The following CDH13 variants were observed in gnomAD, a reference collection of about 807,000 sequenced individuals.
The protein encoded by CDH13 is cadherin 13, also known as cadherin-13.
In CDH13, 24 loss-of-function variants were observed where a neutral mutation model predicts 63.8. That is an observed-to-expected ratio of 0.38 (90% CI 0.27 to 0.53). The LOEUF (loss-of-function observed/expected upper bound fraction) is 0.53, where lower values mean the gene tolerates loss of function less well. Ranked by LOEUF, CDH13 falls within the 20% of genes least tolerant of loss-of-function variation. The pLI, the probability that CDH13 is intolerant of heterozygous loss-of-function variation, is 0.85. For synonymous variants in CDH13, 503 were observed against 355.3 expected (o/e 1.42, Z -4.67); for missense variants, 1,049 against 903.1 (o/e 1.16, Z -2.07).
At chr16:82,772,114 C>T (rs965082744) in intron 1 of CDH13, among the ~76,000 whole-genome samples, 1 of 152,114 alleles carries the variant, frequency 6.6e-6, no homozygotes, top group Non-Finnish European at 1.5e-5. Flanking sequence ...CTTGGAAGAG[C>T]TGGATGTTAA....
intron 2 of CDH13, among the ~76,000 whole-genome samples, chr16:82,861,474 T>G (rs11645687): frequency 0.35 from 53,260 of 152,014 alleles, 10,253 homozygotes; most frequent in East Asian, 0.82. Context: ...CATCCAATTG[T>G]GTGTTCAGCT....
intron 6 of CDH13, among the ~76,000 whole-genome samples, chr16:83,452,670 A>C (rs2072915834): frequency 6.6e-6 from 1 of 152,222 alleles, no homozygotes; most frequent in South Asian, 2.1e-4. Context: ...TATTTAAAGA[A>C]GCTTGCAATT....
intron 2 of CDH13, among the ~76,000 whole-genome samples, chr16:82,930,494 G>T (rs1432351182): frequency 6.6e-6 from 1 of 151,980 alleles, no homozygotes. Context: ...TTTATGGTTT[G>T]TATACGGATG....
chr16:82,991,379 AG>A (rs1253873930), intron 2 of CDH13, among the ~76,000 whole-genome samples: 6 of 152,178 alleles, frequency 3.9e-5, no homozygotes, highest in Non-Finnish European at 8.8e-5. Flanking sequence ...TCATCTAGTA[AG>A]GGGGGAGATG....
chr16:83,288,991 T>A, intron 5 of CDH13, among the ~76,000 whole-genome samples: 1 of 152,196 alleles, frequency 6.6e-6, no homozygotes, highest in South Asian at 2.1e-4. Context: ...GCCTGCTCGC[T>A]ACAGTTCCCG....
chr16:83,729,470 A>C (rs1422770712), intron 10 of CDH13, among the ~76,000 whole-genome samples: 61 of 152,206 alleles, frequency 4.0e-4, no homozygotes, highest in Admixed American at 4.0e-3. Context: ...AGGCAAAACT[A>C]AGAAAGATGT....
chr16:83,679,744 C>A (rs1195269971), intron 10 of CDH13, among the ~76,000 whole-genome samples: 1 of 152,144 alleles, frequency 6.6e-6, no homozygotes, highest in African/African-American at 2.4e-5. Flanking sequence ...GGTAGTTGGA[C>A]AAAGGTAGGA....
chr16:83,631,642 C>T (rs745987111), intron 8 of CDH13, among the ~76,000 whole-genome samples: 12 of 152,082 alleles, frequency 7.9e-5, no homozygotes, highest in African/African-American at 1.2e-4. Flanking sequence ...GATGCGCCAA[C>T]GAGATGCTCC....
chr16:82,705,409 C>T (rs964088757), intron 1 of CDH13: 11 of 256,766 alleles, frequency 4.3e-5, no homozygotes, highest in African/African-American at 2.5e-4. Context: ...ACAATCGCCT[C>T]TAGTGGTCCA....
chr16:83,140,539 G>C (rs932660642), intron 4 of CDH13, among the ~76,000 whole-genome samples: 1 of 151,976 alleles, frequency 6.6e-6, no homozygotes, highest in African/African-American at 2.4e-5. Flanking sequence ...CTACAACCTC[G>C]CTGTCTCAGG....
rs72075939 is a variant in CDH13 at position 83,418,690 on chromosome 16, A to AAG, written c.782-67771_782-67770dup. On this transcript the variant is annotated intron_variant, in intron 6 of 13. Transcript: ENST00000567109. Reference sequence around the variant, plus strand: ...TGCCTGCTGGGAATTAGTTTTAGCAAAGAGAGAGAGAGAGAGACAGAGAAT... The same window carrying AAG: ...TGCCTGCTGGGAATTAGTTTTAGCAAAGAGAGAGAGAGAGAGAGACAGAGAAT... Among the ~76,000 whole-genome samples the AAG allele has an allele frequency of 1.3e-3, 192 of 151,056 alleles. 1 individual carries two copies. Among genetic ancestry groups the AAG allele is most frequent in the Non-Finnish European group, 6.2e-4 (42 of 67,640 alleles).
chr16:82,765,305 G>C (rs1443280953), intron 1 of CDH13, among the ~76,000 whole-genome samples: 1 of 152,156 alleles, frequency 6.6e-6, no homozygotes, highest in African/African-American at 2.4e-5. Context: ...ACAGCATTAA[G>C]GGATTGCTCG....
At chr16:83,463,270 A>G (rs939702748) in intron 6 of CDH13, among the ~76,000 whole-genome samples, 37 of 152,206 alleles carry the variant, frequency 2.4e-4, no homozygotes, top group African/African-American at 8.7e-4. Flanking sequence ...ATCAGCCAGG[A>G]TGGGCCAGCT....
intron 8 of CDH13, among the ~76,000 whole-genome samples, chr16:83,657,218 C>A (rs1912948730): frequency 6.6e-6 from 1 of 152,172 alleles, no homozygotes; most frequent in Admixed American, 6.5e-5. Context: ...GGGTATTAAT[C>A]CCTCAATACA....
At chr16:83,295,436 A>C (rs2089568921) in intron 5 of CDH13, among the ~76,000 whole-genome samples, 2 of 152,170 alleles carry the variant, frequency 1.3e-5, no homozygotes, top group South Asian at 4.1e-4. Flanking sequence ...AAGACAACCT[A>C]TGGAATTAAA....
intron 4 of CDH13, among the ~76,000 whole-genome samples, chr16:83,205,027 C>G (rs1180913066): frequency 6.6e-6 from 1 of 152,188 alleles, no homozygotes; most frequent in Non-Finnish European, 1.5e-5. Context: ...GCTGTGTGCC[C>G]AGAAGGATAG....
intron 2 of CDH13, among the ~76,000 whole-genome samples, chr16:83,024,077 T>A (rs1324902417): frequency 6.6e-6 from 1 of 152,190 alleles, no homozygotes; most frequent in African/African-American, 2.4e-5. Flanking sequence ...ATAGCCTTCC[T>A]GGATTATATA....
intron 1 of CDH13, among the ~76,000 whole-genome samples, chr16:82,820,987 C>T (rs2037978575): frequency 6.6e-6 from 1 of 152,024 alleles, no homozygotes; most frequent in African/African-American, 2.4e-5. Context: ...TGACTTTTAA[C>T]AATGATCTCC....
At chr16:83,451,324 G>A (rs1303587026) in intron 6 of CDH13, among the ~76,000 whole-genome samples, 1 of 152,036 alleles carries the variant, frequency 6.6e-6, no homozygotes, top group African/African-American at 2.4e-5. Context: ...GCATGTACAG[G>A]GAAACTCCCC....
Sources: allele counts gnomAD v4.1 joint callset (sites outside exome capture counted in the v4.1 genomes callset), GRCh38; gene constraint gnomAD v4.1.1; transcripts MANE v1.5; gene names NCBI Gene and HGNC (gene_info 2026-07-23, HGNC 2026-07-21).